The following NLGN1 variants were observed in gnomAD, a reference collection of about 807,000 sequenced individuals.
NLGN1 encodes neuroligin 1, also known as neuroligin-1.
A neutral mutation model predicts 65.5 loss-of-function variants in NLGN1; 12 were observed. The ratio of observed to expected loss-of-function variants is 0.18; its 90% CI spans 0.12 to 0.30. The LOEUF (loss-of-function observed/expected upper bound fraction) is 0.30. Among genes scored for constraint, NLGN1 ranks in the 10% least tolerant of loss-of-function variants. The pLI is 1.00. For missense variants in NLGN1, 750 were observed against 1,007.1 expected (o/e 0.74, Z 3.46); for synonymous variants, 350 against 359.5 (o/e 0.97, Z 0.30).
intron 4 of NLGN1, among the ~76,000 whole-genome samples, chr3:173,984,252 G>A (rs1373160866): frequency 1.3e-5 from 2 of 152,116 alleles, no homozygotes; most frequent in Admixed American, 6.5e-5. Flanking sequence ...GGCTTATTAT[G>A]TATTTTCCTT....
intron 1 of NLGN1, among the ~76,000 whole-genome samples, chr3:173,425,999 T>C (rs941177708): frequency 6.6e-5 from 10 of 152,188 alleles, no homozygotes; most frequent in East Asian, 5.8e-4. Context: ...TCATTTTTAA[T>C]TTCATTCTTC....
intron 1 of NLGN1, among the ~76,000 whole-genome samples, chr3:173,431,781 T>C (rs1366767207): frequency 6.6e-6 from 1 of 152,152 alleles, no homozygotes; most frequent in Non-Finnish European, 1.5e-5. Flanking sequence ...GTACAGTCAG[T>C]GGATTCCATA....
chr3:173,916,291 G>T (rs1245698772), intron 4 of NLGN1, among the ~76,000 whole-genome samples: 2 of 152,036 alleles, frequency 1.3e-5, no homozygotes, highest in Admixed American at 1.3e-4. Context: ...ACCTCTAATG[G>T]AGTACAGAGC....
At chr3:173,748,967 AT>A (rs1212734945) in intron 3 of NLGN1, among the ~76,000 whole-genome samples, 1 of 152,090 alleles carries the variant, frequency 6.6e-6, no homozygotes, top group Non-Finnish European at 1.5e-5. Flanking sequence ...TAGGTGCGTC[AT>A]TATATGCACA....
intron 4 of NLGN1, among the ~76,000 whole-genome samples, chr3:174,120,588 C>G (rs149045896): frequency 0.018 from 2,723 of 152,194 alleles, 43 homozygotes; most frequent in Non-Finnish European, 0.027. Flanking sequence ...TAATTTGACT[C>G]ATAAAAAATA....
chr3:173,961,494 A>G (rs140410931), intron 4 of NLGN1, among the ~76,000 whole-genome samples: 131 of 148,884 alleles, frequency 8.8e-4, no homozygotes, highest in African/African-American at 3.1e-3. Context: ...TTTTTTGAAA[A>G]GATTATAAAG....
rs563998357 is a variant in NLGN1 at position 174,013,788 on chromosome 3, A to T, written c.646+205956A>T. 2.6e-5 allele frequency among the ~76,000 whole-genome samples: 4 copies of T among 152,312 alleles called. No individual in the cohort carries two copies. In the South Asian group the frequency reaches 8.3e-4, roughly 32 times the overall value. ...GAGTGAGATGAGGTGATCATGGCTC[A>T]CTGCCGCAGCCTCAACATGCTGGGC... On this transcript the variant is annotated intron_variant, in intron 4 of 6. Transcript: ENST00000457714.
intron 4 of NLGN1, among the ~76,000 whole-genome samples, chr3:173,856,794 C>T (rs184113787): frequency 1.3e-5 from 2 of 152,078 alleles, no homozygotes; most frequent in Non-Finnish European, 2.9e-5. Context: ...CAGCACAAGG[C>T]TTAAAATATT....
At chr3:174,155,789 T>A (rs1725337958) in intron 4 of NLGN1, among the ~76,000 whole-genome samples, 1 of 152,002 alleles carries the variant, frequency 6.6e-6, no homozygotes, top group African/African-American at 2.4e-5. Context: ...GTGTATATGC[T>A]AACGTTATTT....
intron 4 of NLGN1, among the ~76,000 whole-genome samples, chr3:174,254,822 T>A (rs1339222114): frequency 1.3e-5 from 2 of 152,292 alleles, no homozygotes; most frequent in Middle Eastern, 3.4e-3. Context: ...TCATTTCTAG[T>A]TTTTGTAAAC....
intron 3 of NLGN1, among the ~76,000 whole-genome samples, chr3:173,622,606 T>A (rs1472563419): frequency 6.6e-6 from 1 of 151,680 alleles, no homozygotes; most frequent in Non-Finnish European, 1.5e-5. Context: ...AACCCAAAGC[T>A]TATTTTAAGA....
chr3:174,024,117 T>G (rs930752033), intron 4 of NLGN1, among the ~76,000 whole-genome samples: 17 of 145,736 alleles, frequency 1.2e-4, no homozygotes, highest in African/African-American at 4.4e-4. Flanking sequence ...AGTCCATGGT[T>G]CCCTGGTGTT....
chr3:174,017,418 A>G lies in NLGN1; in HGVS notation c.646+209586A>G, dbSNP rs550571968. ...CTTTGACAGCCTATCAGTGTTTTCT[A>G]ATGAATCCAGAGCCATTCATATAAT... On this transcript the variant is annotated intron_variant, in intron 4 of 6. Coordinates refer to ENST00000457714, the Ensembl canonical transcript of NLGN1. Among the ~76,000 whole-genome samples, 3 of 152,262 alleles carry G rather than the reference A, an allele frequency of 2.0e-5. No individual in the cohort carries two copies. The South Asian group carries it at 6.2e-4, about 32-fold the overall frequency.
intron 4 of NLGN1, among the ~76,000 whole-genome samples, chr3:173,864,952 C>A (rs1049145865): frequency 1.3e-5 from 2 of 152,100 alleles, no homozygotes; most frequent in Non-Finnish European, 2.9e-5. Flanking sequence ...ATATATGATT[C>A]CTTGCCATCA....
At chr3:173,921,241 GTA>G (rs1440206662) in intron 4 of NLGN1, among the ~76,000 whole-genome samples, 3 of 145,546 alleles carry the variant, frequency 2.1e-5, no homozygotes, top group Non-Finnish European at 4.5e-5. Context: ...ATAATATATG[GTA>G]TATATATGTA....
At chr3:174,266,302 T>C (rs1315191029) in intron 4 of NLGN1, among the ~76,000 whole-genome samples, 1 of 152,206 alleles carries the variant, frequency 6.6e-6, no homozygotes, top group African/African-American at 2.4e-5. Context: ...GGTGAGAAGA[T>C]GCAGTATTCT....
chr3:173,560,261 A>G (rs1209310567), intron 2 of NLGN1, among the ~76,000 whole-genome samples: 2 of 152,132 alleles, frequency 1.3e-5, no homozygotes, highest in African/African-American at 4.8e-5. Context: ...AAATCTGAGC[A>G]TTATGAATTT....
chr3:174,147,419 CTTTTTTTTTTTTTTTT>C (rs574298501), intron 4 of NLGN1, among the ~76,000 whole-genome samples: 9 of 36,252 alleles, frequency 2.5e-4, no homozygotes, highest in East Asian at 2.1e-3. Flanking sequence ...TGGCTCATGG[CTTTTTTTTTTTTTTTT>C]TTTTTTTTTT....
intron 4 of NLGN1, among the ~76,000 whole-genome samples, chr3:173,877,988 C>T (rs1164640363): frequency 6.6e-6 from 1 of 152,084 alleles, no homozygotes; most frequent in East Asian, 1.9e-4. Context: ...ACTGACTTAC[C>T]TCTAGGGAAT....
Sources: gnomAD v4.1 joint callset for allele counts (sites outside exome capture counted in the v4.1 genomes callset) on GRCh38, gnomAD v4.1.1 for gene constraint, MANE v1.5 for transcripts, NCBI Gene and HGNC (gene_info 2026-07-23, HGNC 2026-07-21) for gene names.